The following SEMA5A variants were observed in gnomAD, a reference collection of about 807,000 sequenced individuals.
The protein encoded by SEMA5A is semaphorin-5A.
Under a neutral mutation model 135.5 loss-of-function variants are expected in SEMA5A, and 55 were observed. That is an observed-to-expected ratio of 0.41 (90% CI 0.33 to 0.51). The LOEUF (loss-of-function observed/expected upper bound fraction) is 0.51. Ranked by LOEUF, SEMA5A falls within the 20% of genes least tolerant of loss-of-function variation. The pLI is 0.37. For missense variants in SEMA5A, 1,290 were observed against 1,419.9 expected, an observed-to-expected ratio of 0.91 and a Z score of 1.47; for synonymous variants, 580 against 546.5, an observed-to-expected ratio of 1.06 and a Z score of -0.85.
At chr5:9,073,630 G>A (rs11134348) in intron 16 of SEMA5A, among the ~76,000 whole-genome samples, 15,102 of 151,876 alleles carry the variant, frequency 0.099, 886 homozygotes, top group African/African-American at 0.14. Context: ...AAAAAGAAAC[G>A]AAAGTCATCC....
intron 1 of SEMA5A, among the ~76,000 whole-genome samples, chr5:9,468,631 A>G (rs1378699486): frequency 6.6e-6 from 1 of 152,236 alleles, no homozygotes; most frequent in Non-Finnish European, 1.5e-5. Flanking sequence ...CAGGCTGTCT[A>G]TATTTCTTCA....
intron 1 of SEMA5A, among the ~76,000 whole-genome samples, chr5:9,524,101 A>G (rs1736988562): frequency 6.6e-6 from 1 of 152,086 alleles, no homozygotes; most frequent in Non-Finnish European, 1.5e-5. Context: ...GTTGTGATGG[A>G]GTTCTCACGA....
chr5:9,090,321 T>C (rs1441780500), intron 16 of SEMA5A, among the ~76,000 whole-genome samples: 2 of 152,164 alleles, frequency 1.3e-5, no homozygotes, highest in Non-Finnish European at 1.5e-5. Flanking sequence ...ACTGGACATA[T>C]TAGCTTGGGT....
chr5:9,542,145 C>T (rs566905426), intron 1 of SEMA5A, among the ~76,000 whole-genome samples: 1 of 152,198 alleles, frequency 6.6e-6, no homozygotes, highest in South Asian at 2.1e-4. Flanking sequence ...GAAAAATATG[C>T]TATATATTTA....
At chr5:9,078,618 C>T (rs568078312) in intron 16 of SEMA5A, among the ~76,000 whole-genome samples, 3 of 150,970 alleles carry the variant, frequency 2.0e-5, no homozygotes, top group African/African-American at 7.3e-5. Context: ...CACAGTCATA[C>T]ATATGCAACA....
chr5:9,230,530 G>A (rs996694889), intron 6 of SEMA5A, among the ~76,000 whole-genome samples: 5 of 152,152 alleles, frequency 3.3e-5, no homozygotes, highest in African/African-American at 7.2e-5. Flanking sequence ...TTAAGACCAC[G>A]TGAGAATACA....
intron 1 of SEMA5A, among the ~76,000 whole-genome samples, chr5:9,525,384 A>G (rs1357052259): frequency 6.6e-6 from 1 of 152,242 alleles, no homozygotes; most frequent in Non-Finnish European, 1.5e-5. Flanking sequence ...GATCAATGTA[A>G]AAGGAATCCT....
chr5:9,357,085 C>T (rs1754483719), intron 3 of SEMA5A, among the ~76,000 whole-genome samples: 3 of 152,192 alleles, frequency 2.0e-5, no homozygotes. Context: ...CTGAAGGTCA[C>T]ATGCATGGCC....
rs984318290 is a variant in SEMA5A, at chr5:9,062,933, A to G, written c.2472T>C (p.Leu824=). The change falls in exon 18 of 23, where the codon CTT becomes CTC. Residue 824 remains leucine (L), a synonymous_variant. Transcript: ENST00000382496. ...ATTCCTGGTATTCCAGAGATGGGCC[A>G]AGGCAAGGCATTCCCCCATACTTGG... ...PEPKYGGMPC[L]GPSLEYQECN... is the part of the protein sequence containing the mutation. 2 of 1,614,262 alleles carry G rather than the reference A, an allele frequency of 1.2e-6. No homozygotes were observed. Among genetic ancestry groups the G allele is most frequent in the South Asian group, 2.2e-5 (2 of 91,090 alleles).
chr5:9,227,096 T>C, intron 6 of SEMA5A, 129 bp from the exon 7 acceptor site: 1 of 372,164 alleles, frequency 2.7e-6, no homozygotes, highest in Non-Finnish European at 4.5e-6. Context: ...ATGTAAGCCA[T>C]TAATAAAATG....
At chr5:9,275,580 C>T (rs1316704723) in intron 5 of SEMA5A, among the ~76,000 whole-genome samples, 1 of 152,086 alleles carries the variant, frequency 6.6e-6, no homozygotes, top group Non-Finnish European at 1.5e-5. Context: ...ATGTGAAAAT[C>T]CTCAATAAAA....
In SEMA5A at chr5:9,052,046, G is replaced by A; in HGVS notation, c.2690-18C>T. On this transcript the variant is annotated intron_variant, in intron 19 of 22. Transcript: ENST00000382496. ...CCAGCTCTCTGCAGAGACCAGAAAA[G>A]GGGAGATGGGGCGGAATGGCCAGTA... The A allele has an allele frequency of 2.6e-6, 4 of 1,558,834 alleles. No homozygotes were observed. The highest frequency in any genetic ancestry group is 3.5e-6 in the Non-Finnish European group (4 of 1,151,096).
At chr5:9,485,863 T>C (rs1477231442) in intron 1 of SEMA5A, among the ~76,000 whole-genome samples, 1 of 152,170 alleles carries the variant, frequency 6.6e-6, no homozygotes, top group African/African-American at 2.4e-5. Flanking sequence ...GTAGCAACTA[T>C]TAGGCTTTAA....
At chr5:9,510,354 CT>C (rs1736139417) in intron 1 of SEMA5A, among the ~76,000 whole-genome samples, 2 of 152,158 alleles carry the variant, frequency 1.3e-5, no homozygotes, top group Non-Finnish European at 2.9e-5. Context: ...ACATTAAAAC[CT>C]CCAGTATTTG....
At chr5:9,106,631 C>A (rs1739931304) in intron 16 of SEMA5A, among the ~76,000 whole-genome samples, 1 of 152,170 alleles carries the variant, frequency 6.6e-6, no homozygotes. Context: ...CACATCATGC[C>A]ACCAGGAACA....
intron 1 of SEMA5A, among the ~76,000 whole-genome samples, chr5:9,476,257 C>T (rs151182385): frequency 1.3e-5 from 2 of 152,198 alleles, no homozygotes; most frequent in African/African-American, 4.8e-5. Flanking sequence ...GATAAATCCC[C>T]AGAAGTGGAA....
chr5:9,500,838 C>T (rs1735559715), intron 1 of SEMA5A, among the ~76,000 whole-genome samples: 2 of 152,206 alleles, frequency 1.3e-5, no homozygotes, highest in Non-Finnish European at 2.9e-5. Context: ...TCCAAGCACA[C>T]TTGCTCCCTC....
chr5:9,333,581 T>C (rs1753255150), intron 4 of SEMA5A, among the ~76,000 whole-genome samples: 3 of 152,264 alleles, frequency 2.0e-5, no homozygotes, highest in Non-Finnish European at 4.4e-5. Context: ...CTTACACTTG[T>C]ATCAAGTGTG....
At chr5:9,213,225 A>G (rs1746436638) in intron 8 of SEMA5A, among the ~76,000 whole-genome samples, 1 of 152,246 alleles carries the variant, frequency 6.6e-6, no homozygotes, top group Non-Finnish European at 1.5e-5. Context: ...GGGAGGACAT[A>G]AATGTTCAGA....
Sources: gnomAD v4.1 joint callset for allele counts (sites outside exome capture counted in the v4.1 genomes callset) on GRCh38, gnomAD v4.1.1 for gene constraint, MANE v1.5 for transcripts, NCBI Gene and HGNC (gene_info 2026-07-23, HGNC 2026-07-21) for gene names.